Variants in NEK9 observed in about 807,000 individuals in gnomAD.
NEK9 encodes the protein NIMA related kinase 9, also known as serine/threonine-protein kinase Nek9.
In NEK9, 75 loss-of-function variants were observed where a neutral mutation model predicts 123.4. That is an observed-to-expected ratio of 0.61 (90% CI 0.50 to 0.74). The LOEUF is 0.74. NEK9 is among the 30% of genes least tolerant of loss of function. NEK9 has a pLI of 0.00. For missense variants in NEK9, 952 were observed against 1,214.4 expected, an observed-to-expected ratio of 0.78 and a Z score of 3.21; for synonymous variants, 438 against 458.7, an observed-to-expected ratio of 0.95 and a Z score of 0.58.
intron 6 of NEK9, among the ~76,000 whole-genome samples, chr14:75,115,668 G>T (rs1415170514): frequency 6.6e-6 from 1 of 152,174 alleles, no homozygotes; most frequent in African/African-American, 2.4e-5. Flanking sequence ...CTCACACCTG[G>T]TTGGTAGAGG....
In NEK9 at chr14:75,080,438, T is replaced by C. The variant is rs1047527994; in HGVS notation, c.*4126A>G. The C allele has an allele frequency of 2.0e-5, 3 of 152,212 alleles. No individual in the cohort carries two copies. Among genetic ancestry groups the C allele is most frequent in the African/African-American group, 7.2e-5 (3 of 41,452 alleles). The allele number at this position is 152,212 out of a possible 1,614,324, so 9.4% of individuals were successfully genotyped here. Reference sequence around the variant, plus strand: ...CTTTTTTTAAAAAAATCTGAATTTCTTCCTGGATAGCTCAGACGATGACAG... The same window carrying C: ...CTTTTTTTAAAAAAATCTGAATTTCCTCCTGGATAGCTCAGACGATGACAG... On this transcript the variant is annotated 3_prime_UTR_variant, in exon 22 of 22. Transcript: ENST00000238616.
At chr14:75,102,411 G>A (rs189501387) in intron 14 of NEK9, among the ~76,000 whole-genome samples, 14 of 151,988 alleles carry the variant, frequency 9.2e-5, no homozygotes, top group African/African-American at 1.7e-4. Flanking sequence ...GCAGTGGCGC[G>A]GTCTCGGCTC....
rs1199563958 is a variant in NEK9 at position 75,091,481 on chromosome 14, G to C, written c.2234-3C>G. The C allele has an allele frequency of 6.3e-7, 1 of 1,577,110 alleles. No homozygotes were observed. Among genetic ancestry groups the C allele is most frequent in the Non-Finnish European group, 8.6e-7 (1 of 1,164,100 alleles). On this transcript the variant is annotated splice_region_variant and splice_polypyrimidine_tract_variant and intron_variant, in intron 18 of 21. Coordinates refer to ENST00000238616, the MANE Select transcript of NEK9 (RefSeq NM_033116.6). ...TCCCGGGCTAGAGCTCTGAAACACT[G>C]ACAGATATACAGCACAGAAATAGAC...
chr14:75,101,881 C>T, intron 14 of NEK9, 116 bp from the exon 15 acceptor site: 1 of 661,348 alleles, frequency 1.5e-6, no homozygotes, highest in South Asian at 1.9e-5. Flanking sequence ...AGTTATATTA[C>T]TAAGAAGAGG....
chr14:75,088,588 A>C lies in NEK9; in HGVS notation c.2496T>G (p.Ser832Arg). ...IPMPDSPSPL[S>R]AAFSESEKDT... The stretch of plus-strand genomic sequence containing the variant: ...CTTTCTCAGATTCTGAAAACGCTGC[A>C]CTGAGAGGAGATGGGCTGTCAGGCA... The change falls in exon 20 of 22, where the codon AGT becomes AGG. Residue 832 changes from serine to arginine, a missense_variant. Physicochemically the swap from Ser to Arg is moderately radical, Grantham distance 110. This residue lies in a region of NEK9 where 698 missense variants were observed against 875.6 expected (regional missense o/e 0.80). Transcript: ENST00000238616. 2.5e-6 allele frequency: 4 copies of C among 1,614,092 alleles called. No individual in the cohort carries two copies. The highest frequency in any genetic ancestry group is 3.4e-6 in the Non-Finnish European group (4 of 1,179,986).
intron 14 of NEK9, among the ~76,000 whole-genome samples, chr14:75,103,450 A>G (rs1594835850): frequency 6.6e-6 from 1 of 152,286 alleles, no homozygotes; most frequent in Middle Eastern, 3.4e-3. Context: ...TAATCAATTT[A>G]TTTGTTGAAG....
chr14:75,108,119 T>C (rs1002009663), intron 10 of NEK9, among the ~76,000 whole-genome samples: 1 of 151,938 alleles, frequency 6.6e-6, no homozygotes, highest in Non-Finnish European at 1.5e-5. Flanking sequence ...CTTGATGACT[T>C]TTCAACTTTT....
chr14:75,114,100 G>A (rs1263987987), intron 7 of NEK9, 103 bp downstream of exon 7: 2 of 749,730 alleles, frequency 2.7e-6, no homozygotes, highest in Admixed American at 4.5e-5. Flanking sequence ...CTACCCTGGG[G>A]AAGTGGATGT....
At chr14:75,103,723 C>T (rs1594836101) in intron 14 of NEK9, 119 bp downstream of exon 14, 3 of 1,081,210 alleles carry the variant, frequency 2.8e-6, no homozygotes, top group Non-Finnish European at 4.0e-6. Flanking sequence ...GCACACAATG[C>T]CTATGAGACC....
rs1197414739 is a variant in NEK9 at position 75,097,192 on chromosome 14, T to C, written c.2081A>G (p.Asp694Gly). Residue 694 changes from aspartate (D) to glycine (G), a missense_variant, in exon 17 of 22, where the codon GAT (aspartate) becomes GGT (glycine). Coordinates refer to ENST00000238616, the MANE Select transcript of NEK9 (RefSeq NM_033116.6). ...AGGCCGAGGCCATGAGGTACAGATA[T>C]CAGAGCCATGTGGTCTCTCTGTGGG... ...MTPTERPHGSDICTSWPRPIF... is the reference protein window; with the variant it reads ...MTPTERPHGSGICTSWPRPIF... 1 of 1,613,504 alleles carries C rather than the reference T, an allele frequency of 6.2e-7. No homozygotes were observed. Among genetic ancestry groups the C allele is most frequent in the South Asian group, 1.1e-5 (1 of 90,958 alleles).
intron 14 of NEK9, among the ~76,000 whole-genome samples, chr14:75,102,514 T>G (rs79743067): frequency 2.3e-5 from 1 of 42,904 alleles, no homozygotes; most frequent in Non-Finnish European, 5.7e-5. Context: ...CACCTGGCTG[T>G]TTTTTTTTTT....
chr14:75,093,246 A>G (rs1180347727), intron 18 of NEK9, among the ~76,000 whole-genome samples: 1 of 152,194 alleles, frequency 6.6e-6, no homozygotes, highest in Non-Finnish European at 1.5e-5. Context: ...CAGCACCGAT[A>G]TGGAACATTT....
In NEK9 at chr14:75,084,650, C is replaced by A; in HGVS notation, c.2854G>T (p.Glu952Ter). The A allele has an allele frequency of 6.2e-7, 1 of 1,614,160 alleles. No individual in the cohort carries two copies. Among genetic ancestry groups the A allele is most frequent in the Non-Finnish European group, 8.5e-7 (1 of 1,180,026 alleles). The change falls in exon 22 of 22, where the codon GAA becomes TAA. Residue 952 changes from glutamate (E) to a stop codon, truncating the protein, a stop_gained. Transcript: ENST00000238616. LOFTEE classifies it high-confidence loss of function. ...MHSKGTQTAK[E>*]EMEMDPKPDL... ...GGCTTTGGATCCATTTCCATCTCTT[C>A]CTTTGCTGTCTGAGTTCCTTTGGAA... is the stretch of plus-strand genomic sequence containing the variant.
At chr14:75,124,301 AGAAG>A (rs1174403819) in intron 1 of NEK9, 78 bp from the exon 2 acceptor site, 1 of 1,394,884 alleles carries the variant, frequency 7.2e-7, no homozygotes, top group East Asian at 2.3e-5. Flanking sequence ...CTGTAAGCCT[AGAAG>A]GAAAACTTCC....
chr14:75,123,957 GTA>G, intron 2 of NEK9, 87 bp downstream of exon 2: 10 of 1,131,818 alleles, frequency 8.8e-6, no homozygotes, highest in Non-Finnish European at 1.3e-5. Flanking sequence ...TTTTATCACT[GTA>G]TATGTCTCTT....
Position 75,101,162 on chromosome 14 carries a change from G to A in NEK9, c.1841-9C>T. 1 of 1,610,172 alleles carries A rather than the reference G, an allele frequency of 6.2e-7. No individual in the cohort carries two copies. The highest frequency in any genetic ancestry group is 8.5e-7 in the Non-Finnish European group (1 of 1,178,440). ...CAGCAGCCGGCCTCGCTCTGAGAGAGAAGCAAAAAGAAATAACAAGGCACA... is the reference window on the plus strand; with the variant it reads ...CAGCAGCCGGCCTCGCTCTGAGAGAAAAGCAAAAAGAAATAACAAGGCACA... On this transcript the variant is annotated splice_polypyrimidine_tract_variant and intron_variant, in intron 15 of 21. Coordinates refer to ENST00000238616, the MANE Select transcript of NEK9 (RefSeq NM_033116.6).
Position 75,126,782 on chromosome 14 carries a change from T to TGCTCCGCC in NEK9, c.132_139dup (p.Gln47ArgfsTer42). On this transcript the variant is annotated frameshift_variant, in exon 1 of 22. Coordinates refer to ENST00000238616, the MANE Select transcript of NEK9 (RefSeq NM_033116.6). LOFTEE classifies it high-confidence loss of function. ...GATGGGGATGTAGTGCAGTTCCTCC[T>TGCTCCGCC]GCTCCGCCGCGCCGCCGCCGGCTCG... 1 of 1,531,670 alleles carries TGCTCCGCC rather than the reference T, an allele frequency of 6.5e-7. No homozygotes were observed. The highest frequency in any genetic ancestry group is 8.8e-7 in the Non-Finnish European group (1 of 1,140,156). 94.9% of individuals were successfully genotyped at this position (1,531,670 alleles called of 1,614,324 possible). A position where few individuals can be genotyped will look rare whatever the true frequency, so the allele number is the denominator to read the frequency against.
chr14:75,106,048 T>C, intron 12 of NEK9, 52 bp from the exon 13 acceptor site: 2 of 1,491,724 alleles, frequency 1.3e-6, no homozygotes, highest in Non-Finnish European at 9.4e-7. Context: ...TCCTTCCCAG[T>C]GAATAGGTTC....
intron 10 of NEK9, among the ~76,000 whole-genome samples, chr14:75,109,098 T>C (rs955840411): frequency 1.3e-5 from 2 of 152,156 alleles, no homozygotes; most frequent in Non-Finnish European, 2.9e-5. Context: ...CTAGTTTCAA[T>C]TGAGTGGCAG....
Sources: allele counts gnomAD v4.1 joint callset (sites outside exome capture counted in the v4.1 genomes callset), GRCh38; gene constraint gnomAD v4.1.1; regional missense constraint gnomAD v4.1.1; transcripts MANE v1.5; gene names NCBI Gene and HGNC (gene_info 2026-07-23, HGNC 2026-07-21).